The following FGD6 variants were observed in gnomAD, a reference collection of about 807,000 sequenced individuals.
The protein encoded by FGD6 is FYVE, RhoGEF and PH domain containing 6.
FGD6 carries 90 observed loss-of-function variants against 149.4 expected under a neutral mutation model. The observed-to-expected ratio is 0.60, with a 90% CI of 0.51 to 0.72. The LOEUF (loss-of-function observed/expected upper bound fraction) is 0.72. Among genes scored for constraint, FGD6 ranks in the 30% least tolerant of loss-of-function variants. The pLI is 0.00. For missense variants in FGD6, 1,437 were observed against 1,684.8 expected, an observed-to-expected ratio of 0.85 and a Z score of 2.57; for synonymous variants, 527 against 584.0, an observed-to-expected ratio of 0.90 and a Z score of 1.41.
At chr12:95,216,012 C>A (rs1166715024) in intron 1 of FGD6, among the ~76,000 whole-genome samples, 1 of 152,150 alleles carries the variant, frequency 6.6e-6, no homozygotes, top group East Asian at 1.9e-4. Flanking sequence ...CTCCCTTTGG[C>A]AAAGAAAAGA....
intron 2 of FGD6, among the ~76,000 whole-genome samples, chr12:95,191,997 G>C (rs1256503301): frequency 6.6e-6 from 1 of 152,084 alleles, no homozygotes; most frequent in African/African-American, 2.4e-5. Flanking sequence ...CAAAATGCTA[G>C]GATTACAGGC....
chr12:95,199,459 T>C (rs753869602), intron 2 of FGD6, among the ~76,000 whole-genome samples: 1 of 152,204 alleles, frequency 6.6e-6, no homozygotes, highest in African/African-American at 2.4e-5. Context: ...TCAGAAACTT[T>C]TGTTATCAAG....
chr12:95,187,227 A>AG (rs1301305425), intron 2 of FGD6, among the ~76,000 whole-genome samples: 4 of 151,840 alleles, frequency 2.6e-5, no homozygotes, highest in Non-Finnish European at 5.9e-5. Context: ...ACTACTCGGA[A>AG]GGCTGAGGCA....
intron 18 of FGD6, among the ~76,000 whole-genome samples, chr12:95,086,278 C>T (rs1226763465): frequency 5.9e-5 from 9 of 151,910 alleles, no homozygotes; most frequent in Non-Finnish European, 1.2e-4. Flanking sequence ...TTTTATTGCT[C>T]TTATTTTGGG....
At chr12:95,127,272 G>A (rs997437460) in intron 8 of FGD6, among the ~76,000 whole-genome samples, 12 of 152,046 alleles carry the variant, frequency 7.9e-5, no homozygotes, top group South Asian at 2.1e-4. Flanking sequence ...GCGGCTGGGC[G>A]TGGTGGCTCA....
intron 1 of FGD6, among the ~76,000 whole-genome samples, chr12:95,215,298 T>G (rs145701268): frequency 1.3e-5 from 2 of 152,370 alleles, no homozygotes; most frequent in East Asian, 3.9e-4. Context: ...CCTTTTATTT[T>G]CTTAAATTAA....
intron 8 of FGD6, among the ~76,000 whole-genome samples, chr12:95,132,474 C>T (rs77433532): frequency 2.6e-5 from 4 of 152,206 alleles, no homozygotes; most frequent in South Asian, 4.1e-4. Context: ...ATAATATGGC[C>T]GGGCACCGTG....
At chr12:95,105,800 G>C (rs898664971) in intron 13 of FGD6, among the ~76,000 whole-genome samples, 10 of 152,140 alleles carry the variant, frequency 6.6e-5, no homozygotes, top group African/African-American at 2.2e-4. Flanking sequence ...ACGGTGGGTG[G>C]ATCACTTGAG....
Position 95,211,197 on chromosome 12 carries a change from A to G in FGD6, c.87T>C (p.Pro29=), listed in dbSNP as rs1565925947. ...VVANNKPAPP[P]IAPKPDIVIS... ...TCACAATGTCGGGTTTAGGTGCAAT[A>G]GGAGGTGGGGCTGGCTTATTATTTG... Residue 29 remains proline (P), a synonymous_variant, in exon 2 of 21, where the codon CCT becomes CCC. Transcript: ENST00000343958. 1 of 1,613,668 alleles carries G rather than the reference A, an allele frequency of 6.2e-7. No homozygotes were observed. Among genetic ancestry groups the G allele is most frequent in the Non-Finnish European group, 8.5e-7 (1 of 1,180,000 alleles).
intron 1 of FGD6, 79 bp downstream of exon 1, chr12:95,217,146 G>A (rs1013595240): frequency 2.1e-5 from 34 of 1,595,648 alleles, no homozygotes; most frequent in Non-Finnish European, 2.5e-5. Context: ...CCACCCCGGC[G>A]AAGAAAGTTG....
At chr12:95,207,194 A>G (rs372075464) in intron 2 of FGD6, among the ~76,000 whole-genome samples, 24 of 151,968 alleles carry the variant, frequency 1.6e-4, no homozygotes, top group African/African-American at 5.1e-4. Context: ...ATGGTTCTAT[A>G]ATGGGCTTTT....
chr12:95,091,651 T>A, intron 17 of FGD6, 56 bp downstream of exon 17: 1 of 1,257,800 alleles, frequency 8.0e-7, no homozygotes, highest in Non-Finnish European at 1.1e-6. Context: ...AGAAGGTTGT[T>A]TGAAAGCATC....
At chr12:95,203,112 T>A (rs1363877250) in intron 2 of FGD6, among the ~76,000 whole-genome samples, 1 of 152,182 alleles carries the variant, frequency 6.6e-6, no homozygotes, top group Non-Finnish European at 1.5e-5. Context: ...GAAAATCCCA[T>A]AATAGGACTT....
intron 8 of FGD6, among the ~76,000 whole-genome samples, chr12:95,133,332 C>T (rs181209084): frequency 3.3e-5 from 5 of 152,262 alleles, no homozygotes; most frequent in Non-Finnish European, 7.4e-5. Flanking sequence ...GCAGGAGAAT[C>T]GCTTGAACCT....
At position 95,081,962 on chromosome 12, in the gene FGD6, G is replaced by A. The variant is rs931542776; in HGVS notation, c.4257-406C>T. 5.9e-5 allele frequency among the ~76,000 whole-genome samples: 9 copies of A among 152,052 alleles called. 1 individual carries two copies. Among genetic ancestry groups the A allele is most frequent in the Admixed American group, 3.9e-4 (6 of 15,256 alleles). ...GTTGGGATTACAGGCGTGAGCCACC[G>A]TGACCGGCCAGTAAGATCTTTTCTT... is the stretch of plus-strand genomic sequence containing the variant. On this transcript the variant is annotated intron_variant, in intron 20 of 20. Transcript: ENST00000343958.
At chr12:95,082,654 C>CAAAAA (rs71075900) in intron 20 of FGD6, among the ~76,000 whole-genome samples, 9 of 67,760 alleles carry the variant, frequency 1.3e-4, no homozygotes, top group East Asian at 4.5e-4. Context: ...GAGACTGTCT[C>CAAAAA]AAAAAAAAAA....
intron 3 of FGD6, among the ~76,000 whole-genome samples, chr12:95,169,204 G>A (rs1204845603): frequency 6.6e-6 from 1 of 151,998 alleles, no homozygotes; most frequent in Non-Finnish European, 1.5e-5. Flanking sequence ...ACAAAATCTA[G>A]TATTTGATAG....
intron 5 of FGD6, among the ~76,000 whole-genome samples, chr12:95,147,360 T>A (rs1379175123): frequency 6.6e-6 from 1 of 152,166 alleles, no homozygotes; most frequent in Non-Finnish European, 1.5e-5. Context: ...CAGTGGTGCA[T>A]AATCATCAAT....
At chr12:95,184,060 A>G (rs1881357152) in intron 2 of FGD6, among the ~76,000 whole-genome samples, 2 of 152,226 alleles carry the variant, frequency 1.3e-5, no homozygotes, top group Admixed American at 1.3e-4. Context: ...GCATTAACTT[A>G]CATGTTCCAG....
Sources: gnomAD v4.1 joint callset for allele counts (sites outside exome capture counted in the v4.1 genomes callset) on GRCh38, gnomAD v4.1.1 for gene constraint, MANE v1.5 for transcripts, NCBI Gene and HGNC (gene_info 2026-07-23, HGNC 2026-07-21) for gene names.